The following STEAP3 variants were observed in gnomAD, a reference collection of about 807,000 sequenced individuals.
STEAP3 encodes STEAP3 metalloreductase.
Under a neutral mutation model 34.9 loss-of-function variants are expected in STEAP3, and 35 were observed. The ratio of observed to expected loss-of-function variants is 1.00; its 90% CI spans 0.76 to 1.33. STEAP3 has a LOEUF of 1.33. Ranked by LOEUF, STEAP3 falls within the 40% of genes most tolerant of loss-of-function variation. The pLI, the probability that STEAP3 is intolerant of heterozygous loss-of-function variation, is 0.00. For missense variants in STEAP3, 652 were observed against 667.6 expected, an observed-to-expected ratio of 0.98 and a Z score of 0.26; for synonymous variants, 281 against 301.6, an observed-to-expected ratio of 0.93 and a Z score of 0.71.
chr2:119,231,275 G>C (rs1676925799), intron 2 of STEAP3, among the ~76,000 whole-genome samples: 1 of 152,062 alleles, frequency 6.6e-6, no homozygotes, highest in Non-Finnish European at 1.5e-5. Flanking sequence ...GGAGGAAAGG[G>C]AGTCCAGGTT....
rs1677420405 is a variant in STEAP3 at position 119,246,176 on chromosome 2, G to A, written c.522+188G>A. The A allele has an allele frequency of 4.8e-6, 4 of 826,934 alleles. 1 individual carries two copies. The South Asian group carries it at 5.8e-5, about 12-fold the overall frequency. The allele number at this position is 826,934 out of a possible 1,614,324, so 51.2% of individuals were successfully genotyped here. A position where few individuals can be genotyped will look rare whatever the true frequency, so the allele number is the denominator to read the frequency against. On this transcript the variant is annotated intron_variant, in intron 3 of 5. Coordinates refer to ENST00000393110, the MANE Select transcript of STEAP3 (RefSeq NM_182915.3). ...TGATCTTACTGAAAATTCCATAGCTGGTAAGTTGGGATTTGAACCCAGTTC... is the reference window on the plus strand; with the variant it reads ...TGATCTTACTGAAAATTCCATAGCTAGTAAGTTGGGATTTGAACCCAGTTC...
Position 119,230,844 on chromosome 2 carries a change from G to A in STEAP3, c.-169G>A, listed in dbSNP as rs933428083. On this transcript the variant is annotated 5_prime_UTR_variant, in exon 2 of 6. Transcript: ENST00000393110. ...GGCCAAGAGCTGGCGTGCAGGCTGC[G>A]GGAGGCAGCTGGCTGTGCAAGACCC... The A allele has an allele frequency of 1.6e-5, 13 of 810,228 alleles. No individual in the cohort carries two copies. The highest frequency in any genetic ancestry group is 2.2e-4 in the Middle Eastern group (1 of 4,462). The allele number at this position is 810,228 out of a possible 1,614,324, so 50.2% of individuals were successfully genotyped here.
chr2:119,262,006 C>A (rs1677955330), intron 5 of STEAP3, among the ~76,000 whole-genome samples: 1 of 152,158 alleles, frequency 6.6e-6, no homozygotes, highest in Non-Finnish European at 1.5e-5. Context: ...GGGGTTTCCA[C>A]CCGGGTTGTT....
At chr2:119,239,151 C>T (rs750716675) in intron 2 of STEAP3, among the ~76,000 whole-genome samples, 29 of 152,286 alleles carry the variant, frequency 1.9e-4, no homozygotes, top group Admixed American at 2.6e-4. Flanking sequence ...AAAGGACTGG[C>T]GTGTCCAGTA....
chr2:119,230,160 AT>A (rs1486319329), intron 1 of STEAP3, among the ~76,000 whole-genome samples: 1 of 152,224 alleles, frequency 6.6e-6, no homozygotes, highest in African/African-American at 2.4e-5. Context: ...GAATACACTT[AT>A]CCCTAAGAAT....
chr2:119,263,044 T>C lies in STEAP3; in HGVS notation c.1216-13T>C. ...CCCCTCGCCCTCACTCCAGCCTTTT[T>C]TTCCCTCCACAGTCCTCACTGGGCT... is the stretch of plus-strand genomic sequence containing the variant. On this transcript the variant is annotated splice_polypyrimidine_tract_variant and intron_variant, in intron 5 of 5. Coordinates refer to ENST00000393110, the MANE Select transcript of STEAP3 (RefSeq NM_182915.3). 6.3e-7 allele frequency: 1 copy of C among 1,598,436 alleles called. No homozygotes were observed. Among genetic ancestry groups the C allele is most frequent in the Non-Finnish European group, 8.5e-7 (1 of 1,176,928 alleles).
Position 119,233,893 on chromosome 2 carries a change from G to C in STEAP3, c.22+2859G>C, listed in dbSNP as rs57293397. 2.6e-4 allele frequency among the ~76,000 whole-genome samples: 40 copies of C among 152,326 alleles called. 1 individual carries two copies. In the East Asian group the frequency reaches 7.7e-3, roughly 29 times the overall value. On this transcript the variant is annotated intron_variant, in intron 2 of 5. Coordinates refer to ENST00000393110, the MANE Select transcript of STEAP3 (RefSeq NM_182915.3). ...AGAGCTCTTGCAAAAGTTGGAGCTG[G>C]CCCATGGCAGGTGGTTGAGAAGTGG...
At chr2:119,247,349 G>A (rs1488085379) in intron 3 of STEAP3, among the ~76,000 whole-genome samples, 4 of 152,228 alleles carry the variant, frequency 2.6e-5, no homozygotes, top group Non-Finnish European at 5.9e-5. Context: ...CAGCCATGTC[G>A]GGGGCCCATG....
At chr2:119,234,926 G>T (rs540985913) in intron 2 of STEAP3, among the ~76,000 whole-genome samples, 1 of 152,304 alleles carries the variant, frequency 6.6e-6, no homozygotes, top group African/African-American at 2.4e-5. Context: ...GCTGGCGATG[G>T]GTAGTAATGA....
intron 1 of STEAP3, among the ~76,000 whole-genome samples, chr2:119,228,126 G>A (rs1197097031): frequency 1.3e-5 from 2 of 152,136 alleles, no homozygotes; most frequent in African/African-American, 4.8e-5. Context: ...CACCACAGCC[G>A]GCTGCTTCCC....
chr2:119,246,433 C>T (rs893003107), intron 3 of STEAP3: 1 of 165,450 alleles, frequency 6.0e-6, no homozygotes, highest in African/African-American at 2.4e-5. Flanking sequence ...GAACTGATTT[C>T]TCAGAAAAGT....
chr2:119,254,625 C>A, intron 4 of STEAP3, 59 bp from the exon 5 acceptor site: 1 of 1,600,746 alleles, frequency 6.2e-7, no homozygotes, highest in Non-Finnish European at 8.6e-7. Flanking sequence ...TTCATCATTG[C>A]CCTCCCGGGG....
chr2:119,248,157 C>G lies in STEAP3; in HGVS notation c.1001C>G (p.Pro334Arg), dbSNP rs199594647. The change falls in exon 4 of 6, where the codon CCG (proline) becomes CGG (arginine). Residue 334 changes from proline to arginine, a missense_variant. Pro to Arg is a moderately radical substitution (Grantham distance 103). Coordinates refer to ENST00000393110, the MANE Select transcript of STEAP3 (RefSeq NM_182915.3). The part of the protein sequence containing the change: ...ALHALYSFCL[P>R]LRRAHRYDLV... The stretch of plus-strand genomic sequence containing the variant: ...CACGCCCTCTACAGCTTCTGCTTGC[C>G]GCTGCGCCGCGCCCACCGCTACGAC... 1 of 1,605,082 alleles carries G rather than the reference C, an allele frequency of 6.2e-7. No homozygotes were observed. Among genetic ancestry groups the G allele is most frequent in the Non-Finnish European group, 8.5e-7 (1 of 1,177,650 alleles).
At position 119,247,870 on chromosome 2, in the gene STEAP3, C is replaced by T. The variant is rs199544445; in HGVS notation, c.714C>T (p.Ala238=). The T allele has an allele frequency of 1.9e-6, 3 of 1,613,878 alleles. No homozygotes were observed. Among genetic ancestry groups the T allele is most frequent in the Admixed American group, 1.7e-5 (1 of 60,034 alleles). The change falls in exon 4 of 6, where the codon GCC becomes GCT. Residue 238 remains alanine, a synonymous_variant. Transcript: ENST00000393110. ...TGGGGCTCTTCGTCTGCTTCTATGCCTACAACTTCGTCCGGGACGTTCTGC... is the reference window on the plus strand; with the variant it reads ...TGGGGCTCTTCGTCTGCTTCTATGCTTACAACTTCGTCCGGGACGTTCTGC... ...LALGLFVCFY[A]YNFVRDVLQP... is the part of the protein sequence containing the mutation.
At chr2:119,226,062 TTCC>T (rs1679031145) in intron 1 of STEAP3, among the ~76,000 whole-genome samples, 1 of 152,234 alleles carries the variant, frequency 6.6e-6, no homozygotes, top group African/African-American at 2.4e-5. Context: ...GGCCTCCAGG[TTCC>T]GTGCTCTGTG....
intron 1 of STEAP3, among the ~76,000 whole-genome samples, chr2:119,226,182 A>C (rs1240148244): frequency 2.0e-5 from 3 of 152,200 alleles, no homozygotes; most frequent in Non-Finnish European, 4.4e-5. Context: ...TCCAGCTACA[A>C]ATGAACAACT....
At chr2:119,237,187 A>G (rs1242516208) in intron 2 of STEAP3, among the ~76,000 whole-genome samples, 6 of 152,226 alleles carry the variant, frequency 3.9e-5, no homozygotes, top group Admixed American at 3.9e-4. Flanking sequence ...ATTCAGGATC[A>G]GTCACCTTAG....
At position 119,248,156 on chromosome 2, in the gene STEAP3, C is replaced by A. The variant is rs760037261; in HGVS notation, c.1000C>A (p.Pro334Thr). 2.5e-6 allele frequency: 4 copies of A among 1,605,696 alleles called. No homozygotes were observed. Among genetic ancestry groups the A allele is most frequent in the Non-Finnish European group, 2.5e-6 (3 of 1,178,194 alleles). Residue 334 changes from proline to threonine, a missense_variant, in exon 4 of 6, where the codon CCG (proline) becomes ACG (threonine). Pro to Thr is a conservative substitution (Grantham distance 38, BLOSUM62 -1). Coordinates refer to ENST00000393110, the MANE Select transcript of STEAP3 (RefSeq NM_182915.3). ...GCACGCCCTCTACAGCTTCTGCTTG[C>A]CGCTGCGCCGCGCCCACCGCTACGA... The part of the protein sequence containing the change: ...ALHALYSFCL[P>T]LRRAHRYDLV...
chr2:119,246,306 A>G, intron 3 of STEAP3: 1 of 318,212 alleles, frequency 3.1e-6, no homozygotes, highest in South Asian at 4.4e-5. Context: ...CAAGAAGGAG[A>G]GAGACTTGGC....
Sources: allele counts gnomAD v4.1 joint callset (sites outside exome capture counted in the v4.1 genomes callset), GRCh38; gene constraint gnomAD v4.1.1; transcripts MANE v1.5; gene names NCBI Gene and HGNC (gene_info 2026-07-23, HGNC 2026-07-21).